The following PPM1L variants were observed in gnomAD, a reference collection of about 807,000 sequenced individuals.
PPM1L encodes protein phosphatase, Mg2+/Mn2+ dependent 1L.
In PPM1L, 13 loss-of-function variants were observed where a neutral mutation model predicts 31.4. The observed-to-expected ratio is 0.41, with a 90% CI of 0.27 to 0.66. The LOEUF is 0.66. Among genes scored for constraint, PPM1L ranks in the 30% least tolerant of loss-of-function variants. The pLI is 0.29. For missense variants in PPM1L, 326 were observed against 453.7 expected, an observed-to-expected ratio of 0.72 and a Z score of 2.56; for synonymous variants, 184 against 175.4, an observed-to-expected ratio of 1.05 and a Z score of -0.39.
intron 2 of PPM1L, among the ~76,000 whole-genome samples, chr3:161,006,515 T>G (rs940903638): frequency 3.3e-5 from 5 of 152,118 alleles, no homozygotes; most frequent in African/African-American, 1.2e-4. Context: ...TTTACCATAA[T>G]AAAAGATAAA....
At chr3:160,968,268 A>G (rs900121179) in intron 2 of PPM1L, among the ~76,000 whole-genome samples, 1 of 152,240 alleles carries the variant, frequency 6.6e-6, no homozygotes, top group African/African-American at 2.4e-5. Context: ...CAGAGTAACA[A>G]GTAAGGTGTG....
At chr3:160,841,828 A>G (rs1326433930) in intron 1 of PPM1L, among the ~76,000 whole-genome samples, 1 of 152,198 alleles carries the variant, frequency 6.6e-6, no homozygotes. Flanking sequence ...TGAAATGTGA[A>G]TACAGTGAAA....
At chr3:160,807,490 G>T (rs1033482412) in intron 1 of PPM1L, among the ~76,000 whole-genome samples, 2 of 152,186 alleles carry the variant, frequency 1.3e-5, no homozygotes, top group African/African-American at 4.8e-5. Context: ...AGTTTCCAAT[G>T]CCAATTGCTT....
chr3:160,977,016 T>C (rs569369031), intron 2 of PPM1L, among the ~76,000 whole-genome samples: 29 of 152,362 alleles, frequency 1.9e-4, no homozygotes, highest in Non-Finnish European at 3.5e-4. Context: ...CATTTAGTGC[T>C]ATAAATTTCC....
chr3:160,840,022 G>C (rs1350408555), intron 1 of PPM1L, among the ~76,000 whole-genome samples: 1 of 152,176 alleles, frequency 6.6e-6, no homozygotes, highest in Non-Finnish European at 1.5e-5. Context: ...TAGGATTTCA[G>C]ATAATTTTGG....
At chr3:161,036,219 G>A (rs1718737062) in intron 2 of PPM1L, 1 of 152,024 alleles carries the variant, frequency 6.6e-6, no homozygotes, top group Non-Finnish European at 1.5e-5. Flanking sequence ...TTACCTTTGG[G>A]GAAATGGCTC....
chr3:160,782,264 A>G (rs868092842), intron 1 of PPM1L, among the ~76,000 whole-genome samples: 1 of 152,080 alleles, frequency 6.6e-6, no homozygotes, highest in Non-Finnish European at 1.5e-5. Flanking sequence ...CCTTTCGCGT[A>G]TAGGTTTATC....
chr3:161,066,853 G>C (rs938857997), intron 3 of PPM1L, among the ~76,000 whole-genome samples: 1 of 152,184 alleles, frequency 6.6e-6, no homozygotes, highest in Non-Finnish European at 1.5e-5. Context: ...TCACAGTAGG[G>C]AACCATACTG....
At position 160,973,764 on chromosome 3, in the gene PPM1L, G is replaced by GTTTTTTTTTTTT. The variant is rs75599237; in HGVS notation, c.574+11872_574+11883dup. ...GGTAAATTGCCTTCTGAAAGGCCCT[G>GTTTTTTTTTTTT]TTTTTTTTTTTTTTTTTTTTTTTTT... On this transcript the variant is annotated intron_variant, in intron 2 of 3. Transcript: ENST00000498165. Among the ~76,000 whole-genome samples, 795 of 88,312 alleles carry GTTTTTTTTTTTT rather than the reference G, an allele frequency of 9.0e-3. 76 individuals are homozygous for GTTTTTTTTTTTT. Among genetic ancestry groups the GTTTTTTTTTTTT allele is most frequent in the Non-Finnish European group, 0.016 (624 of 39,062 alleles). The allele number at this position is 88,312 out of a possible 152,430, so 57.9% of individuals were successfully genotyped here. A position where few individuals can be genotyped will look rare whatever the true frequency, so the allele number is the denominator to read the frequency against.
rs1439038759 is a variant in PPM1L, at chr3:160,943,696, A to G, written c.400-18040A>G. ...ACAGAATTGGCATTTCATTTAATTG[A>G]TAGTAGAAATTCAGTGCAAAAATGG... On this transcript the variant is annotated intron_variant, in intron 1 of 3. Transcript: ENST00000498165. Among the ~76,000 whole-genome samples the G allele has an allele frequency of 2.0e-5, 3 of 152,280 alleles. No individual in the cohort carries two copies. In the East Asian group the frequency reaches 5.8e-4, roughly 29 times the overall value.
At chr3:160,897,643 G>A (rs984412624) in intron 1 of PPM1L, among the ~76,000 whole-genome samples, 1 of 152,230 alleles carries the variant, frequency 6.6e-6, no homozygotes, top group Non-Finnish European at 1.5e-5. Context: ...TTTGTAATAT[G>A]TGCATTGGAT....
At chr3:160,895,987 A>G (rs138228907) in intron 1 of PPM1L, among the ~76,000 whole-genome samples, 37 of 152,264 alleles carry the variant, frequency 2.4e-4, no homozygotes, top group African/African-American at 8.4e-4. Flanking sequence ...CTACCCCAAC[A>G]TTAGCTTGGA....
At position 160,845,368 on chromosome 3, in the gene PPM1L, G is replaced by A. The variant is rs140727012; in HGVS notation, c.399+88661G>A. The stretch of plus-strand genomic sequence containing the variant: ...ATCTTTTTATCATTGAATTGTAAGA[G>A]TTTTAAAAGATATTCTGGATATAAG... On this transcript the variant is annotated intron_variant, in intron 1 of 3. Transcript: ENST00000498165. Among the ~76,000 whole-genome samples, 19 of 152,098 alleles carry A rather than the reference G, an allele frequency of 1.2e-4. No individual in the cohort carries two copies. In the East Asian group the frequency reaches 3.3e-3, roughly 26 times the overall value.
At chr3:160,774,458 C>T (rs1308508295) in intron 1 of PPM1L, among the ~76,000 whole-genome samples, 1 of 152,166 alleles carries the variant, frequency 6.6e-6, no homozygotes. Context: ...GATAAATCTT[C>T]TATTAATAAA....
intron 1 of PPM1L, among the ~76,000 whole-genome samples, chr3:160,796,748 A>C (rs886852673): frequency 6.6e-6 from 1 of 152,230 alleles, no homozygotes. Context: ...AAACAGATGT[A>C]TAAATTGGTG....
chr3:160,989,368 T>C (rs990150022), intron 2 of PPM1L, among the ~76,000 whole-genome samples: 1 of 151,862 alleles, frequency 6.6e-6, no homozygotes, highest in Non-Finnish European at 1.5e-5. Context: ...TTTAAAAAAA[T>C]AACGATTATT....
At chr3:160,995,147 T>C (rs1455267741) in intron 2 of PPM1L, among the ~76,000 whole-genome samples, 1 of 152,166 alleles carries the variant, frequency 6.6e-6, no homozygotes, top group Non-Finnish European at 1.5e-5. Flanking sequence ...GCAACTATAA[T>C]GGCAATGTGA....
chr3:160,808,302 T>TGG (rs1712670469), intron 1 of PPM1L, among the ~76,000 whole-genome samples: 1 of 150,644 alleles, frequency 6.6e-6, no homozygotes, highest in Non-Finnish European at 1.5e-5. Context: ...TGTGTGTGTG[T>TGG]GTGTGTGTGT....
intron 1 of PPM1L, among the ~76,000 whole-genome samples, chr3:160,843,723 C>T (rs899141156): frequency 7.9e-5 from 12 of 151,670 alleles, no homozygotes; most frequent in East Asian, 5.9e-4. Context: ...GACAGTGTGG[C>T]GATTCCTCAG....
Sources: gnomAD v4.1 joint callset for allele counts (sites outside exome capture counted in the v4.1 genomes callset) on GRCh38, gnomAD v4.1.1 for gene constraint, MANE v1.5 for transcripts, NCBI Gene and HGNC (gene_info 2026-07-23, HGNC 2026-07-21) for gene names.